Variants in IFT140 observed in about 807,000 individuals in gnomAD.
IFT140 encodes the protein intraflagellar transport protein 140 homolog.
In IFT140, 133 loss-of-function variants were observed where a neutral mutation model predicts 164.6. The ratio of observed to expected loss-of-function variants is 0.81; its 90% confidence interval spans 0.70 to 0.93. The LOEUF (loss-of-function observed/expected upper bound fraction) is 0.93. IFT140 is among the 40% of genes least tolerant of loss of function. The pLI, the probability that IFT140 is intolerant of heterozygous loss-of-function variation, is 0.00. For missense variants in IFT140, 2,045 were observed against 1,972.3 expected (o/e 1.04, Z -0.70); for synonymous variants, 860 against 817.3 (o/e 1.05, Z -0.89).
chr16:1,563,961 GTGTGTCTAAAC>G (rs2033569111), intron 17 of IFT140, 25 bp downstream of exon 17: 1 of 1,516,854 alleles, frequency 6.6e-7, no homozygotes, highest in African/African-American at 1.4e-5. Context: ...TGGCCACTGA[GTGTGTCTAAAC>G]TCAAATACAA....
intron 29 of IFT140, among the ~76,000 whole-genome samples, chr16:1,519,405 G>A (rs1050689100): frequency 1.3e-5 from 2 of 152,080 alleles, no homozygotes; most frequent in South Asian, 2.1e-4. Flanking sequence ...TTAGCATCTT[G>A]GCCTCTCCTG....
At chr16:1,584,166 T>C in intron 11 of IFT140, 51 bp downstream of exon 11, 1 of 1,539,530 alleles carries the variant, frequency 6.5e-7, no homozygotes, top group Non-Finnish European at 8.9e-7. Flanking sequence ...TACCTGGCCA[T>C]GGGGCAGTTC....
chr16:1,578,819 C>T (rs1208935833), intron 13 of IFT140, among the ~76,000 whole-genome samples: 2 of 152,234 alleles, frequency 1.3e-5, no homozygotes, highest in African/African-American at 4.8e-5. Flanking sequence ...TCAAGCCACC[C>T]TCCTGCCTCA....
Position 1,523,273 on chromosome 16 carries a change from C to T in IFT140, c.3453+245G>A, listed in dbSNP as rs565837975. On this transcript the variant is annotated intron_variant, in intron 26 of 30. Transcript: ENST00000426508. ...AAATTTTGTGTTCTGTGTGTTTTTA[C>T]CCCCCACCATAGGTGAGTGCACCAT... Among the ~76,000 whole-genome samples, 7 of 151,866 alleles carry T rather than the reference C, an allele frequency of 4.6e-5. No homozygotes were observed. In the South Asian group the frequency reaches 6.2e-4, roughly 14 times the overall value.
intron 3 of IFT140, among the ~76,000 whole-genome samples, chr16:1,606,443 T>C (rs1385900380): frequency 6.6e-6 from 1 of 152,364 alleles, no homozygotes; most frequent in Non-Finnish European, 1.5e-5. Flanking sequence ...CTGTGAAAAC[T>C]GATGACGGAT....
At chr16:1,583,218 C>T (rs2034671933) in intron 12 of IFT140, 96 bp downstream of exon 12, 13 of 1,089,392 alleles carry the variant, frequency 1.2e-5, no homozygotes, top group Non-Finnish European at 1.7e-5. Flanking sequence ...AGCCCCTGTG[C>T]CAGCCCTCAA....
At chr16:1,552,233 C>T (rs1443752094) in intron 19 of IFT140, among the ~76,000 whole-genome samples, 1 of 152,196 alleles carries the variant, frequency 6.6e-6, no homozygotes, top group Non-Finnish European at 1.5e-5. Context: ...AGGCCAGTTA[C>T]TGCCGGTATA....
intron 19 of IFT140, among the ~76,000 whole-genome samples, chr16:1,549,844 AC>A (rs1207211707): frequency 5.3e-5 from 8 of 152,180 alleles, no homozygotes; most frequent in African/African-American, 1.9e-4. Context: ...TGCTGTTTAC[AC>A]CTGATCTGCC....
Position 1,587,295 on chromosome 16 carries a change from G to A in IFT140, c.912C>T (p.Asp304=), listed in dbSNP as rs749699473. 27 of 1,608,468 alleles carry A rather than the reference G, an allele frequency of 1.7e-5. No homozygotes were observed. The highest frequency in any genetic ancestry group is 2.2e-5 in the Non-Finnish European group (26 of 1,175,036). ...AVGEAALRFW[D]IERGENYILS... ...GTATATAATTCTCTCCTCGTTCTAT[G>A]TCCCAGAATCTACAACAGAAGAAAG... is the stretch of plus-strand genomic sequence containing the variant. The change falls in exon 9 of 31, where the codon GAC becomes GAT. Residue 304 remains aspartate (D), a synonymous_variant. Transcript: ENST00000426508.
intron 6 of IFT140, 91 bp downstream of exon 6, chr16:1,592,085 C>A: frequency 7.2e-7 from 1 of 1,391,140 alleles, no homozygotes. Context: ...CGTTACTGTT[C>A]TATGCAGAAA....
At chr16:1,556,551 G>A (rs1484534351) in intron 19 of IFT140, among the ~76,000 whole-genome samples, 3 of 152,232 alleles carry the variant, frequency 2.0e-5, no homozygotes, top group Non-Finnish European at 4.4e-5. Context: ...CGAGTTGAGG[G>A]GATCAGTTTG....
At position 1,558,585 on chromosome 16, in the gene IFT140, A is replaced by C. The variant is rs188188542; in HGVS notation, c.2200-451T>G. 8.5e-5 allele frequency among the ~76,000 whole-genome samples: 13 copies of C among 152,292 alleles called. 1 individual carries two copies. The highest frequency in any genetic ancestry group is 3.1e-4 in the African/African-American group (13 of 41,560). On this transcript the variant is annotated intron_variant, in intron 18 of 30. Transcript: ENST00000426508. ...CACTGCTATGGCTTGCTGGAGGCCC[A>C]TCCTCACCTGGGCATCTTCTTACAC...
In IFT140 at chr16:1,559,731, C is replaced by T. The variant is rs537771915; in HGVS notation, c.2200-1597G>A. ...CCTGCTCAAATAAAGAGAGCTGACACTGAGTGTCTCAGGCTTCCAATAGAC... is the reference window on the plus strand; with the variant it reads ...CCTGCTCAAATAAAGAGAGCTGACATTGAGTGTCTCAGGCTTCCAATAGAC... On this transcript the variant is annotated intron_variant, in intron 18 of 30. Transcript: ENST00000426508. Among the ~76,000 whole-genome samples the T allele has an allele frequency of 2.0e-4, 30 of 152,370 alleles. 3 individuals carry two copies. Among genetic ancestry groups the T allele is most frequent in the Admixed American group, 1.4e-3 (22 of 15,306 alleles).
intron 4 of IFT140, among the ~76,000 whole-genome samples, chr16:1,594,824 A>C (rs2035370314): frequency 6.6e-6 from 1 of 151,824 alleles, no homozygotes; most frequent in East Asian, 1.9e-4. Context: ...GACGCCAAGC[A>C]CTCCCCAGGG....
intron 19 of IFT140, chr16:1,552,978 A>G (rs907232176): frequency 8.1e-6 from 8 of 985,234 alleles, no homozygotes; most frequent in Admixed American, 6.1e-5. Context: ...AATAAAACAG[A>G]AGTATCCAGG....
chr16:1,511,281 C>T, intron 30 of IFT140, 131 bp from the exon 31 acceptor site: 2 of 794,068 alleles, frequency 2.5e-6, no homozygotes, highest in South Asian at 1.5e-5. Context: ...ACACGGGGTG[C>T]ACTGAGGCTT....
chr16:1,520,215 C>T lies in IFT140; in HGVS notation c.3789G>A (p.Pro1263=), dbSNP rs769211167. The T allele has an allele frequency of 6.1e-5, 98 of 1,614,230 alleles. No individual in the cohort carries two copies. The East Asian group carries it at 8.5e-4, about 14-fold the overall frequency. Residue 1263 remains proline, a synonymous_variant, in exon 28 of 31, where the codon CCG becomes CCA. Coordinates refer to ENST00000426508, the MANE Select transcript of IFT140 (RefSeq NM_014714.4). ...AGCCGATGATGTTCTTCATGATCTC[C>T]GGCTCCTTCCGCCAGTCCAGGGACT... ...YLQSLDWRKE[P]EIMKNIIGFY... is the part of the protein sequence containing the mutation.
intron 26 of IFT140, 35 bp from the exon 27 acceptor site, chr16:1,520,843 G>C: frequency 1.3e-6 from 2 of 1,579,892 alleles, no homozygotes; most frequent in Non-Finnish European, 1.7e-6. Context: ...GGGCTGCCGA[G>C]GGGGCCGGGA....
chr16:1,521,106 C>A (rs1406163078), intron 26 of IFT140, among the ~76,000 whole-genome samples: 1 of 152,182 alleles, frequency 6.6e-6, no homozygotes, highest in African/African-American at 2.4e-5. Context: ...TAATTTTCTT[C>A]TATAATTCTG....
Sources: allele counts gnomAD v4.1 joint callset (sites outside exome capture counted in the v4.1 genomes callset), GRCh38; gene constraint gnomAD v4.1.1; transcripts MANE v1.5; gene names NCBI Gene and HGNC (gene_info 2026-07-23, HGNC 2026-07-21).